The following ZNF222 variants were observed in gnomAD, a reference collection of about 807,000 sequenced individuals.
ZNF222 encodes zinc finger protein 222.
In ZNF222, 8 loss-of-function variants were observed where a neutral mutation model predicts 11.6. The ratio of observed to expected loss-of-function variants is 0.69; its 90% confidence interval spans 0.41 to 1.25. The LOEUF is 1.25. Ranked by LOEUF, ZNF222 falls within the 50% of genes most tolerant of loss-of-function variation. The pLI is 0.01. For synonymous variants in ZNF222, 171 were observed against 195.6 expected (o/e 0.87, Z 1.05); for missense variants, 483 against 576.1 (o/e 0.84, Z 1.65).
At position 44,027,469 on chromosome 19, in the gene ZNF222, A is replaced by C; in HGVS notation, c.241A>C (p.Ser81Arg). The C allele has an allele frequency of 6.2e-7, 1 of 1,614,100 alleles. No homozygotes were observed. Among genetic ancestry groups the C allele is most frequent in the Non-Finnish European group, 8.5e-7 (1 of 1,179,984 alleles). ...EEKFWVMGTT[S>R]QREGNLGGKI... The stretch of plus-strand genomic sequence containing the variant: ...AAAGTTTTGGGTGATGGGGACAACA[A>C]GCCAAAGAGAAGGGAATTTGGGTAA... The change falls in exon 3 of 4, where the codon AGC becomes CGC. Residue 81 changes from serine to arginine, a missense_variant. Physicochemically the swap from Ser to Arg is moderately radical, Grantham distance 110 (BLOSUM62 -1). Coordinates refer to ENST00000391960, the MANE Select transcript of ZNF222 (RefSeq NM_001129996.2).
At position 44,032,951 on chromosome 19, in the gene ZNF222, A is replaced by C; in HGVS notation, c.1397A>C (p.Lys466Thr). 1 of 1,603,320 alleles carries C rather than the reference A, an allele frequency of 6.2e-7. No individual in the cohort carries two copies. The highest frequency in any genetic ancestry group is 1.1e-5 in the South Asian group (1 of 88,320). The change falls in exon 4 of 4, where the codon AAA (lysine) becomes ACA (threonine). Residue 466 changes from lysine to threonine, a missense_variant. Physicochemically the swap from Lys to Thr is moderately conservative, Grantham distance 78 (BLOSUM62 -1). Coordinates refer to ENST00000391960, the MANE Select transcript of ZNF222 (RefSeq NM_001129996.2). ...GACCACAGTGGAGAAAACCCATCCA[A>C]ATGTGAGGACTGTGGGAAGCGCTAC... ...QRDHSGENPS[K>T]CEDCGKRYKR...
At chr19:44,026,453 G>A (rs909260958) in intron 1 of ZNF222, among the ~76,000 whole-genome samples, 1 of 151,868 alleles carries the variant, frequency 6.6e-6, no homozygotes, top group Admixed American at 6.6e-5. Context: ...AGGCTCAGGG[G>A]CTTGGACTTC....
chr19:44,030,678 G>C (rs10415885), intron 3 of ZNF222, among the ~76,000 whole-genome samples: 6,626 of 152,238 alleles, frequency 0.044, 467 homozygotes, highest in African/African-American at 0.15. Context: ...ATTAGCATGT[G>C]ACTTAGACAC....
At position 44,026,897 on chromosome 19, in the gene ZNF222, A is replaced by G. The variant is rs1390269383; in HGVS notation, c.43-126A>G. ...CACAAACAGAATAAGTAGGAAATCT[A>G]TAAGCTGACCTATGTCTCTCAAGAT... On this transcript the variant is annotated intron_variant, in intron 1 of 3. Transcript: ENST00000391960. 4.8e-6 allele frequency: 7 copies of G among 1,455,238 alleles called. No homozygotes were observed. In the East Asian group the frequency reaches 6.8e-5, roughly 14 times the overall value. 90.1% of individuals were successfully genotyped at this position (1,455,238 alleles called of 1,614,324 possible).
chr19:44,028,652 A>T lies in ZNF222; in HGVS notation c.262+1162A>T, dbSNP rs116316327. ...GCAATGTAATCTCTTGAAGGCATTT[A>T]TCTGTTTCTTTATGACTGCATCTTC... On this transcript the variant is annotated intron_variant, in intron 3 of 3. Coordinates refer to ENST00000391960, the MANE Select transcript of ZNF222 (RefSeq NM_001129996.2). 1.1e-3 allele frequency among the ~76,000 whole-genome samples: 169 copies of T among 152,252 alleles called. 1 individual carries two copies. The highest frequency in any genetic ancestry group is 3.9e-3 in the African/African-American group (161 of 41,554).
At position 44,027,531 on chromosome 19, in the gene ZNF222, G is replaced by A. The variant is rs569741684; in HGVS notation, c.262+41G>A. On this transcript the variant is annotated intron_variant, in intron 3 of 3. Transcript: ENST00000391960. ...TTGTGTGTCCCTGCATGTGATTCCT[G>A]TTACTTCTGTCCATGCCCATTTCCA... The A allele has an allele frequency of 3.8e-6, 6 of 1,576,794 alleles. No individual in the cohort carries two copies. The Admixed American group carries it at 1.0e-4, about 27-fold the overall frequency.
chr19:44,029,681 G>A (rs192597617), intron 3 of ZNF222, among the ~76,000 whole-genome samples: 1 of 152,242 alleles, frequency 6.6e-6, no homozygotes, highest in Admixed American at 6.5e-5. Flanking sequence ...ATACGTGACA[G>A]CATATTAAAT....
intron 3 of ZNF222, 61 bp downstream of exon 3, chr19:44,027,551 T>C: frequency 1.3e-6 from 2 of 1,517,970 alleles, no homozygotes; most frequent in Non-Finnish European, 1.8e-6. Flanking sequence ...TCCATGCCCA[T>C]TTCCAGCATT....
At chr19:44,027,211 G>C (rs1976397072) in intron 2 of ZNF222, 62 bp downstream of exon 2, 2 of 1,601,176 alleles carry the variant, frequency 1.2e-6, no homozygotes. Flanking sequence ...TTAATCCTAG[G>C]GTTTTCAAGT....
intron 3 of ZNF222, chr19:44,028,525 C>T (rs1976428526): frequency 8.8e-6 from 3 of 340,146 alleles, no homozygotes; most frequent in Non-Finnish European, 1.1e-5. Flanking sequence ...GAGGTCGTCT[C>T]CAAGCACCTT....
chr19:44,026,528 T>TTC (rs144596220), intron 1 of ZNF222, among the ~76,000 whole-genome samples: 2,185 of 143,244 alleles, frequency 0.015, 76 homozygotes, highest in African/African-American at 0.054. Flanking sequence ...ACTATTTTCT[T>TTC]TCTCTCTCTC....
At chr19:44,030,730 C>A (rs1297029170) in intron 3 of ZNF222, among the ~76,000 whole-genome samples, 3 of 152,140 alleles carry the variant, frequency 2.0e-5, no homozygotes, top group African/African-American at 7.2e-5. Context: ...GTGCTGGGGT[C>A]CAGAGTAATT....
rs1373951558 is a variant in ZNF222, at chr19:44,031,982, T to C, written c.428T>C (p.Ile143Thr). The change falls in exon 4 of 4, where the codon ATT becomes ACT. Residue 143 changes from isoleucine to threonine, a missense_variant. Coordinates refer to ENST00000391960, the MANE Select transcript of ZNF222 (RefSeq NM_001129996.2). Reference protein sequence around the residue: ...LFEQDDNPSQIKARLSTVHTR... With the variant: ...LFEQDDNPSQTKARLSTVHTR... ...GAACAAGATGACAACCCCTCCCAGA[T>C]TAAAGCAAGACTATCTACAGTTCAC... 1 of 1,614,210 alleles carries C rather than the reference T, an allele frequency of 6.2e-7. No individual in the cohort carries two copies. Among genetic ancestry groups the C allele is most frequent in the Non-Finnish European group, 8.5e-7 (1 of 1,180,040 alleles).
At chr19:44,027,266 G>A in intron 2 of ZNF222, 117 bp downstream of exon 2, 5 of 1,583,178 alleles carry the variant, frequency 3.2e-6, no homozygotes, top group Non-Finnish European at 4.3e-6. Context: ...ATTTTGCCTG[G>A]CTATTAGGTT....
At chr19:44,029,781 C>T (rs1455500788) in intron 3 of ZNF222, among the ~76,000 whole-genome samples, 2 of 152,180 alleles carry the variant, frequency 1.3e-5, no homozygotes, top group African/African-American at 4.8e-5. Flanking sequence ...TGGAAGTTAT[C>T]TTTCCATTGG....
intron 3 of ZNF222, among the ~76,000 whole-genome samples, chr19:44,028,720 A>G (rs1316722339): frequency 6.6e-6 from 1 of 152,182 alleles, no homozygotes; most frequent in Non-Finnish European, 1.5e-5. Context: ...ATCTGTAAAT[A>G]TTTGGTATTC....
rs1454341184 is a variant in ZNF222 at position 44,033,040 on chromosome 19, A to C, written c.*10A>C. 1.3e-6 allele frequency: 2 copies of C among 1,490,238 alleles called. No homozygotes were observed. Among genetic ancestry groups the C allele is most frequent in the African/African-American group, 2.9e-5 (2 of 70,028 alleles). The allele number at this position is 1,490,238 out of a possible 1,614,324, so 92.3% of individuals were successfully genotyped here. On this transcript the variant is annotated 3_prime_UTR_variant, in exon 4 of 4. Coordinates refer to ENST00000391960, the MANE Select transcript of ZNF222 (RefSeq NM_001129996.2). Reference sequence around the variant, plus strand: ...TTTAAATGACATATAAGTTATACATATTTATGGAGTGTGAAATTTGATACA... The same window carrying C: ...TTTAAATGACATATAAGTTATACATCTTTATGGAGTGTGAAATTTGATACA...
rs1976512695 is a variant in ZNF222 at position 44,032,059 on chromosome 19, G to A, written c.505G>A (p.Val169Ile). 2 of 1,614,112 alleles carry A rather than the reference G, an allele frequency of 1.2e-6. No individual in the cohort carries two copies. Among genetic ancestry groups the A allele is most frequent in the South Asian group, 2.2e-5 (2 of 91,094 alleles). Residue 169 changes from valine to isoleucine, a missense_variant, in exon 4 of 4, where the codon GTT (valine) becomes ATT (isoleucine). By Grantham distance (29) the Val-to-Ile change is conservative. Coordinates refer to ENST00000391960, the MANE Select transcript of ZNF222 (RefSeq NM_001129996.2). ...GENCKQFFSD[V>I]SFFDLPQQLY... ...AAATTGTAAACAGTTCTTCAGTGATGTTTCCTTCTTTGATCTTCCTCAGCA... is the reference window on the plus strand; with the variant it reads ...AAATTGTAAACAGTTCTTCAGTGATATTTCCTTCTTTGATCTTCCTCAGCA...
At position 44,032,375 on chromosome 19, in the gene ZNF222, G is replaced by A. The variant is rs1000436516; in HGVS notation, c.821G>A (p.Cys274Tyr). 1.2e-6 allele frequency: 2 copies of A among 1,614,214 alleles called. No homozygotes were observed. Among genetic ancestry groups the A allele is most frequent in the African/African-American group, 2.7e-5 (2 of 75,060 alleles). The change falls in exon 4 of 4, where the codon TGT (cysteine) becomes TAT (tyrosine). Residue 274 changes from cysteine (C) to tyrosine (Y), a missense_variant. Cys to Tyr is a radical substitution (Grantham distance 194, BLOSUM62 -2). Transcript: ENST00000391960. ...GAGAAACCTTATAATTGTGAGAAATGTGGGAAGGCTTTCATGCACAATTTC... is the reference window on the plus strand; with the variant it reads ...GAGAAACCTTATAATTGTGAGAAATATGGGAAGGCTTTCATGCACAATTTC... ...MREKPYNCEK[C>Y]GKAFMHNFQL...
Sources: gnomAD v4.1 joint callset for allele counts (sites outside exome capture counted in the v4.1 genomes callset) on GRCh38, gnomAD v4.1.1 for gene constraint, MANE v1.5 for transcripts, NCBI Gene and HGNC (gene_info 2026-07-23, HGNC 2026-07-21) for gene names.